Variants in ACSS2 observed in about 807,000 individuals in gnomAD.
ACSS2 encodes acyl-CoA synthetase short chain family member 2, also known as acetyl-coenzyme A synthetase, cytoplasmic.
In ACSS2, 58 loss-of-function variants were observed where a neutral mutation model predicts 90.6. That is an observed-to-expected ratio of 0.64 (90% CI 0.52 to 0.80). The LOEUF (loss-of-function observed/expected upper bound fraction) is 0.80, where lower values mean the gene tolerates loss of function less well. Among genes scored for constraint, ACSS2 ranks in the 30% least tolerant of loss-of-function variants. ACSS2 has a pLI of 0.00. For missense variants in ACSS2, 759 were observed against 912.0 expected (o/e 0.83, Z 2.16); for synonymous variants, 300 against 330.9 (o/e 0.91, Z 1.01).
intron 2 of ACSS2, among the ~76,000 whole-genome samples, chr20:34,909,908 G>A (rs760474358): frequency 2.6e-5 from 4 of 151,906 alleles, no homozygotes; most frequent in Admixed American, 6.6e-5. Context: ...GTAGAGATGG[G>A]GTTTTGCCAT....
At chr20:34,912,609 C>T (rs2080987755) in intron 2 of ACSS2, 2 of 168,968 alleles carry the variant, frequency 1.2e-5, no homozygotes, top group African/African-American at 2.4e-5. Flanking sequence ...CTACTAATTC[C>T]TTGTACCATC....
chr20:34,898,005 G>A (rs1339656324), intron 2 of ACSS2, among the ~76,000 whole-genome samples: 3 of 152,112 alleles, frequency 2.0e-5, no homozygotes, highest in African/African-American at 7.2e-5. Flanking sequence ...AGCTCTTAAG[G>A]TGGCACGTCT....
intron 2 of ACSS2, among the ~76,000 whole-genome samples, chr20:34,898,460 T>C (rs1387698113): frequency 6.6e-6 from 1 of 151,376 alleles, no homozygotes; most frequent in Non-Finnish European, 1.5e-5. Context: ...AGAGTGTCAA[T>C]TGGTGCATTC....
intron 1 of ACSS2, among the ~76,000 whole-genome samples, chr20:34,877,203 G>T (rs1321384100): frequency 1.3e-5 from 2 of 152,114 alleles, no homozygotes; most frequent in Non-Finnish European, 2.9e-5. Flanking sequence ...GGCGACGGGA[G>T]CCTTGAAGGG....
At chr20:34,925,567 A>G in intron 14 of ACSS2, 131 bp from the exon 15 acceptor site, 1 of 915,752 alleles carries the variant, frequency 1.1e-6, no homozygotes, top group Non-Finnish European at 1.7e-6. Flanking sequence ...GAGGCTGGCT[A>G]CTACAGTGGG....
At chr20:34,898,326 T>C (rs1425765433) in intron 2 of ACSS2, among the ~76,000 whole-genome samples, 3 of 152,196 alleles carry the variant, frequency 2.0e-5, no homozygotes, top group African/African-American at 7.2e-5. Context: ...TTTGACAGGG[T>C]GCCGATTGGT....
At chr20:34,886,359 C>T (rs953625587) in intron 2 of ACSS2, among the ~76,000 whole-genome samples, 1 of 152,024 alleles carries the variant, frequency 6.6e-6, no homozygotes, top group Non-Finnish European at 1.5e-5. Context: ...TGGCTTATAC[C>T]TGTAATCCCA....
intron 1 of ACSS2, among the ~76,000 whole-genome samples, chr20:34,881,856 A>G: frequency 6.6e-6 from 1 of 152,232 alleles, no homozygotes; most frequent in Non-Finnish European, 1.5e-5. Flanking sequence ...AAGCTTAAAG[A>G]AACATTTGGC....
At position 34,926,884 on chromosome 20, in the gene ACSS2, A is replaced by G. The variant is rs1292214912; in HGVS notation, c.1911A>G (p.Glu637=). The change falls in exon 17 of 18, where the codon GAA becomes GAG. Residue 637 remains glutamate (E), a synonymous_variant. Coordinates refer to ENST00000360596, the MANE Select transcript of ACSS2 (RefSeq NM_018677.4). ...ATGATTTGTTGGTTACAGTTAGAGA[A>G]AAGATTGGCCCCATTGCCACACCAG... is the stretch of plus-strand genomic sequence containing the variant. ...LTEELKKQIR[E]KIGPIATPDY... 6.2e-7 allele frequency: 1 copy of G among 1,614,092 alleles called. No homozygotes were observed.
chr20:34,926,273 A>C lies in ACSS2; in HGVS notation c.1895A>C (p.Lys632Thr). 6.2e-7 allele frequency: 1 copy of C among 1,614,106 alleles called. No homozygotes were observed. Among genetic ancestry groups the C allele is most frequent in the Non-Finnish European group, 8.5e-7 (1 of 1,179,950 alleles). The part of the protein sequence containing the change: ...TFSPKLTEEL[K>T]KQIREKIGPI... ...AGCCCCAAGCTCACCGAGGAGCTCAAGAAGCAGAGTAAGGAGCCTCCCTGG... is the reference window on the plus strand; with the variant it reads ...AGCCCCAAGCTCACCGAGGAGCTCACGAAGCAGAGTAAGGAGCCTCCCTGG... The change falls in exon 16 of 18, where the codon AAG (lysine) becomes ACG (threonine). Residue 632 changes from lysine (K) to threonine (T), a missense_variant. Coordinates refer to ENST00000360596, the MANE Select transcript of ACSS2 (RefSeq NM_018677.4).
chr20:34,885,750 T>G (rs941776646), intron 2 of ACSS2, among the ~76,000 whole-genome samples: 1 of 152,194 alleles, frequency 6.6e-6, no homozygotes, highest in African/African-American at 2.4e-5. Flanking sequence ...AGAAGCAGTA[T>G]TCCATGGAAC....
rs776073180 is a variant in ACSS2, at chr20:34,927,191, C to A, written c.2083C>A (p.His695Asn). The change falls in exon 18 of 18, where the codon CAC becomes AAC. Residue 695 changes from histidine (H) to asparagine (N), a missense_variant. Physicochemically the swap from His to Asn is moderately conservative, Grantham distance 68. Transcript: ENST00000360596. The surrounding 1 kb of genome is among the most constrained non-coding windows in gnomAD (Gnocchi z 4.2). ...DPSVISHLFSHRCLTIQ is the reference protein window; with the variant it reads ...DPSVISHLFSNRCLTIQ ...ATCTGTCATCAGTCACCTCTTCAGC[C>A]ACCGCTGCCTGACCATCCAGTGAAC... The A allele has an allele frequency of 1.2e-6, 2 of 1,614,036 alleles. No homozygotes were observed. The highest frequency in any genetic ancestry group is 1.1e-5 in the South Asian group (1 of 91,076).
intron 2 of ACSS2, among the ~76,000 whole-genome samples, chr20:34,889,257 G>A (rs148469892): frequency 0.01 from 1,561 of 151,804 alleles, 11 homozygotes; most frequent in African/African-American, 0.021. Flanking sequence ...CGAGCAGCTG[G>A]TACTACAGGC....
At chr20:34,902,765 G>C (rs2080697706) in intron 2 of ACSS2, among the ~76,000 whole-genome samples, 1 of 151,768 alleles carries the variant, frequency 6.6e-6, no homozygotes, top group Non-Finnish European at 1.5e-5. Flanking sequence ...TGGCTCTATT[G>C]CCCTGGCTGG....
chr20:34,916,779 G>A (rs2081085438), intron 7 of ACSS2, among the ~76,000 whole-genome samples: 1 of 151,918 alleles, frequency 6.6e-6, no homozygotes. Context: ...AATCTTCCAG[G>A]GAGATCCTGG....
chr20:34,894,268 T>G (rs1208400624), intron 2 of ACSS2, among the ~76,000 whole-genome samples: 2 of 151,988 alleles, frequency 1.3e-5, no homozygotes, highest in African/African-American at 4.8e-5. Flanking sequence ...GGAGGGAGGA[T>G]CACTGAACTC....
chr20:34,890,297 A>G (rs1438336404), intron 2 of ACSS2, among the ~76,000 whole-genome samples: 1 of 152,216 alleles, frequency 6.6e-6, no homozygotes, highest in East Asian at 1.9e-4. Flanking sequence ...CCTGCAAAAT[A>G]CAGACTTTGG....
chr20:34,900,876 T>G (rs1397878164), intron 2 of ACSS2, among the ~76,000 whole-genome samples: 1 of 152,202 alleles, frequency 6.6e-6, no homozygotes, highest in Non-Finnish European at 1.5e-5. Context: ...TTTTTCCTTA[T>G]GCTAATTCTG....
chr20:34,910,140 G>A (rs1254297978), intron 2 of ACSS2, among the ~76,000 whole-genome samples: 1 of 151,592 alleles, frequency 6.6e-6, no homozygotes, highest in Admixed American at 6.6e-5. Context: ...TCCTGCTTCA[G>A]CCTCCTGTAA....
Sources: allele counts gnomAD v4.1 joint callset (sites outside exome capture counted in the v4.1 genomes callset), GRCh38; gene constraint gnomAD v4.1.1; non-coding constraint Gnocchi (gnomAD v3.1); transcripts MANE v1.5; gene names NCBI Gene and HGNC (gene_info 2026-07-23, HGNC 2026-07-21).